Variants in WDR59 observed in about 807,000 individuals in gnomAD.
WDR59 encodes GATOR2 complex protein WDR59.
WDR59 carries 100 observed loss-of-function variants against 131.2 expected under a neutral mutation model. The ratio of observed to expected loss-of-function variants is 0.76; its 90% CI spans 0.65 to 0.90. The LOEUF is 0.90. Among genes scored for constraint, WDR59 ranks in the 40% least tolerant of loss-of-function variants. The pLI is 0.00. For synonymous variants in WDR59, 601 were observed against 466.2 expected (o/e 1.29, Z -3.72); for missense variants, 1,203 against 1,262.2 (o/e 0.95, Z 0.71).
intron 8 of WDR59, among the ~76,000 whole-genome samples, chr16:74,936,232 G>A (rs1293538754): frequency 2.0e-5 from 3 of 151,960 alleles, no homozygotes; most frequent in Admixed American, 6.6e-5. Context: ...CTGTTTCCTA[G>A]GACATCAACC....
chr16:74,875,699 C>T (rs1399715360), intron 25 of WDR59, among the ~76,000 whole-genome samples: 1 of 152,196 alleles, frequency 6.6e-6, no homozygotes. Flanking sequence ...TACATGGACT[C>T]ACTTTATAAT....
chr16:74,965,686 A>C, intron 2 of WDR59, 87 bp downstream of exon 2: 1 of 1,500,006 alleles, frequency 6.7e-7, no homozygotes, highest in South Asian at 1.1e-5. Context: ...ATCCGTAAAT[A>C]TAAGAATAGC....
At position 74,922,169 on chromosome 16, in the gene WDR59, T is replaced by G. The variant is rs2030306292; in HGVS notation, c.730-66A>C. On this transcript the variant is annotated intron_variant, in intron 9 of 25. Coordinates refer to ENST00000262144, the MANE Select transcript of WDR59 (RefSeq NM_030581.4). Reference sequence around the variant, plus strand: ...AGGGAGAATCAGCTGAGTCTTGAGTTTCCAAACCTGGAATTCTTCCTAAGT... The same window carrying G: ...AGGGAGAATCAGCTGAGTCTTGAGTGTCCAAACCTGGAATTCTTCCTAAGT... 8.9e-6 allele frequency: 14 copies of G among 1,577,242 alleles called. No individual in the cohort carries two copies. In the East Asian group the frequency reaches 3.2e-4, roughly 36 times the overall value.
intron 1 of WDR59, among the ~76,000 whole-genome samples, chr16:74,981,656 A>ATTTTT (rs1567450978): frequency 3.4e-5 from 1 of 29,544 alleles, no homozygotes; most frequent in African/African-American, 1.3e-4. Context: ...ATATATATAT[A>ATTTTT]TATATTTTTT....
At chr16:74,921,916 G>T in intron 10 of WDR59, 31 bp downstream of exon 10, 4 of 1,607,202 alleles carry the variant, frequency 2.5e-6, no homozygotes, top group Non-Finnish European at 3.4e-6. Context: ...GAGCTCAGAA[G>T]GAAAGTGGGC....
chr16:74,972,198 C>A (rs746109309), intron 1 of WDR59, among the ~76,000 whole-genome samples: 5 of 152,154 alleles, frequency 3.3e-5, no homozygotes, highest in Non-Finnish European at 7.3e-5. Context: ...GATTTACATG[C>A]CCTTTATGAA....
intron 9 of WDR59, among the ~76,000 whole-genome samples, chr16:74,923,689 G>A (rs1335238515): frequency 1.3e-5 from 2 of 152,010 alleles, no homozygotes; most frequent in Non-Finnish European, 2.9e-5. Flanking sequence ...TGGCCAGGAT[G>A]GTCTCGAACT....
intron 1 of WDR59, among the ~76,000 whole-genome samples, chr16:74,966,699 ACAC>A (rs1210072573): frequency 1.3e-5 from 2 of 152,052 alleles, no homozygotes; most frequent in Non-Finnish European, 2.9e-5. Flanking sequence ...CAATATTCAG[ACAC>A]CACCCCTGCT....
intron 6 of WDR59, among the ~76,000 whole-genome samples, chr16:74,946,795 T>C (rs756491680): frequency 6.6e-6 from 1 of 151,930 alleles, no homozygotes; most frequent in Non-Finnish European, 1.5e-5. Context: ...GCTAATACAG[T>C]CATGATGCTA....
At chr16:74,898,824 T>C (rs113159725) in intron 18 of WDR59, among the ~76,000 whole-genome samples, 12 of 152,252 alleles carry the variant, frequency 7.9e-5, no homozygotes, top group African/African-American at 2.9e-4. Context: ...GGACAATCAG[T>C]GGAAATTCAG....
intron 7 of WDR59, among the ~76,000 whole-genome samples, chr16:74,938,651 C>A (rs1255518423): frequency 6.6e-6 from 1 of 152,128 alleles, no homozygotes; most frequent in Non-Finnish European, 1.5e-5. Context: ...GTCCTCCCAC[C>A]TCAGCCCTCC....
At chr16:74,937,819 A>C (rs1180150919) in intron 8 of WDR59, among the ~76,000 whole-genome samples, 6 of 151,992 alleles carry the variant, frequency 3.9e-5, no homozygotes, top group Non-Finnish European at 8.8e-5. Context: ...TTCCCTTTCT[A>C]AGTACTTTTG....
rs199693877 is a variant in WDR59, at chr16:74,874,328, T to C, written c.2806A>G (p.Asn936Asp). 7.9e-5 allele frequency: 128 copies of C among 1,614,050 alleles called. No individual in the cohort carries two copies. Among genetic ancestry groups the C allele is most frequent in the Non-Finnish European group, 1.0e-4 (123 of 1,180,044 alleles). The change falls in exon 26 of 26, where the codon AAT (asparagine) becomes GAT (aspartate). Residue 936 changes from asparagine to aspartate, a missense_variant. Asn to Asp is a conservative substitution (Grantham distance 23). Transcript: ENST00000262144. Reference sequence around the variant, plus strand: ...CCGTGCCCACAGGTCAGGCAGAAATTGGACGATCCCCGCACAGCCACGTGA... The same window carrying C: ...CCGTGCCCACAGGTCAGGCAGAAATCGGACGATCCCCGCACAGCCACGTGA... The part of the protein sequence containing the change: ...ICHVAVRGSS[N>D]FCLTCGHGGH...
chr16:74,889,863 A>T lies in WDR59; in HGVS notation c.2083-48T>A, dbSNP rs1236853009. The T allele has an allele frequency of 2.0e-6, 3 of 1,465,538 alleles. No individual in the cohort carries two copies. In the South Asian group the frequency reaches 3.6e-5, roughly 18 times the overall value. 90.8% of individuals were successfully genotyped at this position (1,465,538 alleles called of 1,614,324 possible). Reference sequence around the variant, plus strand: ...CAAACTCAAACTGGCAAGGACAAGAACCGAAACCATGAAGCAATCCCACCT... The same window carrying T: ...CAAACTCAAACTGGCAAGGACAAGATCCGAAACCATGAAGCAATCCCACCT... On this transcript the variant is annotated intron_variant, in intron 20 of 25. Transcript: ENST00000262144.
intron 7 of WDR59, among the ~76,000 whole-genome samples, chr16:74,941,334 C>T (rs143929169): frequency 0.024 from 2,864 of 120,354 alleles, 90 homozygotes; most frequent in African/African-American, 0.076. Context: ...GAATGAGGCT[C>T]CATCTCAAAA....
intron 2 of WDR59, among the ~76,000 whole-genome samples, chr16:74,959,952 T>C (rs2033480234): frequency 6.6e-6 from 1 of 151,748 alleles, no homozygotes. Context: ...ATATAAATAA[T>C]AATAAACATT....
chr16:74,956,562 G>C lies in WDR59; in HGVS notation c.153C>G (p.His51Gln), dbSNP rs2033302264. Residue 51 changes from histidine to glutamine, a missense_variant, in exon 3 of 26, where the codon CAC (histidine) becomes CAG (glutamine). His to Gln is a conservative substitution (Grantham distance 24). Coordinates refer to ENST00000262144, the MANE Select transcript of WDR59 (RefSeq NM_030581.4). The stretch of plus-strand genomic sequence containing the variant: ...ATTTGCTCTGGCGAGAGATCTTTCG[G>C]TGACCTTCGAAAGGGGCATCTAGAT... Reference protein sequence around the residue: ...IVNLDAPFEGHRKISRQSKWD... With the variant: ...IVNLDAPFEGQRKISRQSKWD... The C allele has an allele frequency of 6.2e-7, 1 of 1,614,036 alleles. No homozygotes were observed. The highest frequency in any genetic ancestry group is 1.3e-5 in the African/African-American group (1 of 75,004).
At chr16:74,933,285 C>T (rs1022899720) in intron 8 of WDR59, among the ~76,000 whole-genome samples, 14 of 152,086 alleles carry the variant, frequency 9.2e-5, no homozygotes, top group African/African-American at 3.4e-4. Context: ...CTGGGTGACA[C>T]AGTGAGATCC....
chr16:74,899,349 G>A (rs566598051), intron 18 of WDR59, among the ~76,000 whole-genome samples: 15 of 152,292 alleles, frequency 9.8e-5, no homozygotes, highest in African/African-American at 3.6e-4. Flanking sequence ...CCATGCCAAA[G>A]GTAGGCTTTT....
Sources: gnomAD v4.1 joint callset for allele counts (sites outside exome capture counted in the v4.1 genomes callset) on GRCh38, gnomAD v4.1.1 for gene constraint, MANE v1.5 for transcripts, NCBI Gene and HGNC (gene_info 2026-07-23, HGNC 2026-07-21) for gene names.